Variants in SUPT3H observed in about 807,000 individuals in gnomAD.
SUPT3H encodes the protein SPT3 homolog, SAGA and STAGA complex component.
Under a neutral mutation model 44.3 loss-of-function variants are expected in SUPT3H, and 44 were observed. The observed-to-expected ratio is 0.99, with a 90% confidence interval of 0.78 to 1.28. The LOEUF (loss-of-function observed/expected upper bound fraction) is 1.28, where lower values mean the gene tolerates loss of function less well. Ranked by LOEUF, SUPT3H falls within the 50% of genes most tolerant of loss-of-function variation. The pLI is 0.00. For missense variants in SUPT3H, 380 were observed against 387.1 expected, an observed-to-expected ratio of 0.98 and a Z score of 0.15; for synonymous variants, 124 against 125.6, an observed-to-expected ratio of 0.99 and a Z score of 0.09.
intron 2 of SUPT3H, among the ~76,000 whole-genome samples, chr6:45,339,481 G>T (rs1789312934): frequency 1.3e-5 from 2 of 152,058 alleles, no homozygotes. Context: ...TTGTTCACAA[G>T]AAAAAATTAG....
chr6:45,216,003 GACTAAGATGATAC>G (rs934640717), intron 2 of SUPT3H, among the ~76,000 whole-genome samples: 10 of 152,282 alleles, frequency 6.6e-5, no homozygotes, highest in African/African-American at 2.2e-4. Flanking sequence ...AGTCCAGAGA[GACTAAGATGATAC>G]ATTGAAAGCG....
chr6:45,265,230 C>T (rs867644350), intron 2 of SUPT3H, among the ~76,000 whole-genome samples: 10 of 152,008 alleles, frequency 6.6e-5, no homozygotes, highest in African/African-American at 9.7e-5. Context: ...TTAATAAAAC[C>T]GTACTAAACA....
intron 2 of SUPT3H, among the ~76,000 whole-genome samples, chr6:45,277,291 T>C (rs1777179974): frequency 6.6e-6 from 1 of 152,218 alleles, no homozygotes; most frequent in African/African-American, 2.4e-5. Context: ...ATATTACAGT[T>C]ATTTTTCCTT....
chr6:45,214,020 A>AAAT, intron 2 of SUPT3H, among the ~76,000 whole-genome samples: 1 of 149,472 alleles, frequency 6.7e-6, no homozygotes, highest in East Asian at 1.9e-4. Flanking sequence ...AAATGCAAAA[A>AAAT]AAAAAAAAAA....
chr6:44,947,682 A>G (rs1187319714), intron 9 of SUPT3H, among the ~76,000 whole-genome samples: 2 of 152,216 alleles, frequency 1.3e-5, no homozygotes, highest in African/African-American at 4.8e-5. Context: ...ATTATAATCA[A>G]ATAAACACAA....
At chr6:45,275,066 C>T (rs1021849032) in intron 2 of SUPT3H, among the ~76,000 whole-genome samples, 1 of 152,036 alleles carries the variant, frequency 6.6e-6, no homozygotes, top group Non-Finnish European at 1.5e-5. Flanking sequence ...GTTTTATATG[C>T]TGCTATTATT....
intron 3 of SUPT3H, among the ~76,000 whole-genome samples, chr6:45,027,573 C>A (rs902327930): frequency 6.6e-6 from 1 of 151,964 alleles, no homozygotes; most frequent in East Asian, 1.9e-4. Context: ...ACTAACATAC[C>A]GTAGGAACTC....
Position 45,365,281 on chromosome 6 carries a change from A to G in SUPT3H, c.21T>C (p.Ser7=), listed in dbSNP as rs759499548. 1.2e-6 allele frequency: 2 copies of G among 1,611,334 alleles called. No homozygotes were observed. The highest frequency in any genetic ancestry group is 2.2e-5 in the South Asian group (2 of 90,896). Residue 7 remains serine, a synonymous_variant, in exon 2 of 11, where the codon AGT becomes AGC. Transcript: ENST00000371459. MNNTAA[S]PMSTATSSSG... is the part of the protein sequence containing the mutation. ...TACTTGAAGTTGCAGTAGACATTGG[A>G]CTAGCTGCCGTATTATTCATCTAAA... is the stretch of plus-strand genomic sequence containing the variant.
At chr6:44,895,726 G>A (rs560494034) in intron 10 of SUPT3H, among the ~76,000 whole-genome samples, 32 of 152,184 alleles carry the variant, frequency 2.1e-4, no homozygotes, top group African/African-American at 7.0e-4. Flanking sequence ...ACCCAGGGCA[G>A]AACCACAATT....
chr6:45,204,489 A>G (rs1291057700), intron 2 of SUPT3H, among the ~76,000 whole-genome samples: 2 of 152,268 alleles, frequency 1.3e-5, no homozygotes, highest in Admixed American at 1.3e-4. Context: ...ATTTCTGACT[A>G]TACTCATCAG....
chr6:44,890,358 C>T (rs1303788588), intron 10 of SUPT3H, among the ~76,000 whole-genome samples: 1 of 151,550 alleles, frequency 6.6e-6, no homozygotes. Context: ...TGGAACCAAC[C>T]CAAATGTCCA....
intron 3 of SUPT3H, among the ~76,000 whole-genome samples, chr6:45,057,320 C>G (rs1562355639): frequency 6.6e-6 from 1 of 151,918 alleles, no homozygotes; most frequent in Non-Finnish European, 1.5e-5. Flanking sequence ...AGTCTTTTAT[C>G]TCATTTCTAG....
intron 2 of SUPT3H, among the ~76,000 whole-genome samples, chr6:45,150,439 C>T (rs934406990): frequency 6.6e-6 from 1 of 152,070 alleles, no homozygotes; most frequent in Non-Finnish European, 1.5e-5. Context: ...TATATAAATA[C>T]TTAAAGAGTC....
In SUPT3H at chr6:44,828,030, A is replaced by G. The variant is rs1767959741; in HGVS notation, c.*1786T>C. Among the ~76,000 whole-genome samples the G allele has an allele frequency of 6.6e-6, 1 of 152,096 alleles. No individual in the cohort carries two copies. The highest frequency in any genetic ancestry group is 1.5e-5 in the Non-Finnish European group (1 of 67,966). On this transcript the variant is annotated 3_prime_UTR_variant, in exon 11 of 11. Transcript: ENST00000371459. ...TCAGGTGGAATAAAACGAAGGAAAA[A>G]AACCCAAACCCTATATTTTCTGCCT...
intron 2 of SUPT3H, among the ~76,000 whole-genome samples, chr6:45,232,249 T>C (rs556614600): frequency 3.9e-5 from 6 of 152,342 alleles, no homozygotes; most frequent in Admixed American, 6.5e-5. Flanking sequence ...GCTGGTTGGG[T>C]AGGCCCCTTT....
At chr6:45,100,690 C>A (rs1436434182) in intron 3 of SUPT3H, among the ~76,000 whole-genome samples, 2 of 151,120 alleles carry the variant, frequency 1.3e-5, no homozygotes, top group African/African-American at 4.9e-5. Flanking sequence ...TTATCAAAAA[C>A]AAGGTTATAA....
intron 6 of SUPT3H, among the ~76,000 whole-genome samples, chr6:44,978,996 C>A (rs529022467): frequency 3.9e-5 from 6 of 152,266 alleles, no homozygotes; most frequent in African/African-American, 1.4e-4. Flanking sequence ...TGTTAATATT[C>A]TTTTCTATTG....
At chr6:45,244,598 A>T (rs1054054902) in intron 2 of SUPT3H, among the ~76,000 whole-genome samples, 3 of 152,076 alleles carry the variant, frequency 2.0e-5, no homozygotes, top group Non-Finnish European at 4.4e-5. Flanking sequence ...TACCTTCTAC[A>T]CTAATTTTAC....
chr6:45,121,521 G>GC (rs553526426), intron 2 of SUPT3H, among the ~76,000 whole-genome samples: 1 of 151,182 alleles, frequency 6.6e-6, no homozygotes, highest in Admixed American at 6.6e-5. Context: ...AATTATGTGG[G>GC]GGGGGGGGTG....
Sources: gnomAD v4.1 joint callset for allele counts (sites outside exome capture counted in the v4.1 genomes callset) on GRCh38, gnomAD v4.1.1 for gene constraint, MANE v1.5 for transcripts, NCBI Gene and HGNC (gene_info 2026-07-23, HGNC 2026-07-21) for gene names.